Variants in TSPAN11 observed in about 807,000 individuals in gnomAD.
TSPAN11 encodes tetraspanin-11.
A neutral mutation model predicts 32.9 loss-of-function variants in TSPAN11; 29 were observed. That is an observed-to-expected ratio of 0.88 (90% CI 0.66 to 1.20). TSPAN11 has a LOEUF of 1.20. Among genes scored for constraint, TSPAN11 ranks in the 50% most tolerant of loss-of-function variants. The pLI, the probability that TSPAN11 is intolerant of heterozygous loss-of-function variation, is 0.00. For synonymous variants in TSPAN11, 140 were observed against 141.3 expected (o/e 0.99, Z 0.07); for missense variants, 283 against 329.1 (o/e 0.86, Z 1.08).
At chr12:30,954,124 C>A in intron 2 of TSPAN11, 49 bp downstream of exon 2, 3 of 1,431,320 alleles carry the variant, frequency 2.1e-6, no homozygotes, top group South Asian at 2.3e-5. Flanking sequence ...CTGAATGAGT[C>A]AAGCCACCTT....
intron 1 of TSPAN11, among the ~76,000 whole-genome samples, chr12:30,942,955 C>T (rs1320326033): frequency 2.0e-5 from 3 of 152,166 alleles, no homozygotes; most frequent in Non-Finnish European, 4.4e-5. Flanking sequence ...AGCAGTTGCT[C>T]AGAAACCCCA....
chr12:30,932,237 T>C (rs7139052), intron 1 of TSPAN11, among the ~76,000 whole-genome samples: 5,877 of 152,290 alleles, frequency 0.039, 457 homozygotes, highest in East Asian at 0.36. Flanking sequence ...GTATTTTTAT[T>C]TACTATTTAA....
Position 30,983,000 on chromosome 12 carries a change from G to A in TSPAN11, c.616-64G>A, listed in dbSNP as rs145438086. On this transcript the variant is annotated intron_variant, in intron 6 of 7. Coordinates refer to ENST00000546076, the MANE Select transcript of TSPAN11 (RefSeq NM_001370302.1). ...TCAGCCTCTGCTGCAGTGACAGCCC[G>A]CCCTCCGTCCCCACCCATGCCTGCT... 1.4e-3 allele frequency: 2,086 copies of A among 1,520,846 alleles called. 16 individuals carry two copies. In the African/African-American group the frequency reaches 0.018, roughly 13 times the overall value. 94.2% of individuals were successfully genotyped at this position (1,520,846 alleles called of 1,614,324 possible).
intron 1 of TSPAN11, 94 bp downstream of exon 1, chr12:30,926,890 G>T: frequency 9.7e-6 from 12 of 1,234,194 alleles, no homozygotes; most frequent in African/African-American, 1.6e-5. Flanking sequence ...CCGCCCCGCC[G>T]GCAGTCCCGA....
intron 7 of TSPAN11, among the ~76,000 whole-genome samples, chr12:30,989,071 A>T (rs1175039587): frequency 6.6e-6 from 1 of 152,238 alleles, no homozygotes; most frequent in Non-Finnish European, 1.5e-5. Context: ...ACTTTGGAAC[A>T]GAGCTGCTGT....
chr12:31,011,373 AG>A, the TSPAN11 span, among the ~76,000 whole-genome samples: 3 of 152,230 alleles, frequency 2.0e-5, no homozygotes, highest in African/African-American at 7.2e-5. Flanking sequence ...AGTCAAGATC[AG>A]GGGTGCCGCT....
chr12:31,015,387 C>A, the TSPAN11 span: 1 of 152,278 alleles, frequency 6.6e-6, no homozygotes, highest in South Asian at 2.1e-4. This position sits in a 1 kb window ranked among gnomAD's most constrained non-coding sequence, Gnocchi z 4.9. Flanking sequence ...TCACTGTGGG[C>A]CCCTGGGGAA....
At chr12:30,949,569 A>G (rs1436781276) in intron 1 of TSPAN11, among the ~76,000 whole-genome samples, 1 of 152,196 alleles carries the variant, frequency 6.6e-6, no homozygotes, top group Non-Finnish European at 1.5e-5. Context: ...TATGTGAAAG[A>G]CTGGCCCCCA....
intron 2 of TSPAN11, among the ~76,000 whole-genome samples, chr12:30,957,519 A>G (rs1312917856): frequency 6.6e-6 from 1 of 152,072 alleles, no homozygotes; most frequent in African/African-American, 2.4e-5. Context: ...AGGATTCCTA[A>G]TTTCCGCTCT....
At chr12:30,936,092 C>G (rs569349090) in intron 1 of TSPAN11, among the ~76,000 whole-genome samples, 1 of 152,176 alleles carries the variant, frequency 6.6e-6, no homozygotes, top group Non-Finnish European at 1.5e-5. Context: ...AGTCTCATTC[C>G]CTGGATCAGA....
At chr12:30,996,953 G>A (rs1489297003), downstream of TSPAN11, 1 of 152,220 alleles carries the variant, frequency 6.6e-6, no homozygotes. Flanking sequence ...ATCTGTTCAT[G>A]AACCTGCAGT....
chr12:30,978,289 T>C (rs940893963), intron 3 of TSPAN11: 2 of 437,140 alleles, frequency 4.6e-6, no homozygotes, highest in African/African-American at 3.9e-5. Context: ...AATAGTTGTC[T>C]TACTTACGCT....
chr12:31,005,583 C>A, the TSPAN11 span, among the ~76,000 whole-genome samples: 1 of 152,230 alleles, frequency 6.6e-6, no homozygotes, highest in Non-Finnish European at 1.5e-5. Flanking sequence ...CCCAGGTCTC[C>A]CTGTGCCGAC....
intron 7 of TSPAN11, among the ~76,000 whole-genome samples, chr12:30,987,215 G>A (rs545690409): frequency 1.3e-5 from 2 of 152,332 alleles, no homozygotes; most frequent in East Asian, 1.9e-4. Flanking sequence ...ATCATGGAGA[G>A]AGTCAGGGTG....
chr12:30,938,739 C>G (rs1337733279), intron 1 of TSPAN11, among the ~76,000 whole-genome samples: 2 of 152,206 alleles, frequency 1.3e-5, no homozygotes, highest in Non-Finnish European at 2.9e-5. Context: ...TCCATCCTTG[C>G]TCTGAGCAGC....
At chr12:30,980,743 C>T (rs1939073790) in intron 5 of TSPAN11, among the ~76,000 whole-genome samples, 2 of 152,092 alleles carry the variant, frequency 1.3e-5, no homozygotes, top group Admixed American at 1.3e-4. Flanking sequence ...AAATAGTGGC[C>T]CGGGACACGC....
rs138541895 is a variant in TSPAN11, at chr12:30,944,044, G to C, written c.-11-9937G>C. 1.1e-4 allele frequency among the ~76,000 whole-genome samples: 17 copies of C among 152,264 alleles called. No homozygotes were observed. The East Asian group carries it at 3.1e-3, about 28-fold the overall frequency. On this transcript the variant is annotated intron_variant, in intron 1 of 7. Transcript: ENST00000546076. Reference sequence around the variant, plus strand: ...GAAACTGGCACTTATTTAACTGCAGGGGTGGGGAGTGGAGTCTAGCTTACC... The same window carrying C: ...GAAACTGGCACTTATTTAACTGCAGCGGTGGGGAGTGGAGTCTAGCTTACC...
chr12:31,008,920 C>A, the TSPAN11 span, among the ~76,000 whole-genome samples: 3 of 152,300 alleles, frequency 2.0e-5, no homozygotes, highest in South Asian at 4.1e-4. Context: ...ACCTGCCTCC[C>A]TCTGGCCCCA....
chr12:30,997,797 G>A (rs1939437130), downstream of TSPAN11, among the ~76,000 whole-genome samples: 1 of 152,202 alleles, frequency 6.6e-6, no homozygotes, highest in Non-Finnish European at 1.5e-5. Context: ...GGGGGTGGCT[G>A]AGAGCTGACC....
Sources: gnomAD v4.1 joint callset for allele counts (sites outside exome capture counted in the v4.1 genomes callset) on GRCh38, gnomAD v4.1.1 for gene constraint, Gnocchi (gnomAD v3.1) non-coding constraint, MANE v1.5 for transcripts, NCBI Gene and HGNC (gene_info 2026-07-23, HGNC 2026-07-21) for gene names.